EIF2AK4: variants seen among roughly 807,000 people sequenced by gnomAD.
The protein encoded by EIF2AK4 is eukaryotic translation initiation factor 2 alpha kinase 4.
A neutral mutation model predicts 211.1 loss-of-function variants in EIF2AK4; 139 were observed. That is an observed-to-expected ratio of 0.66 (90% CI 0.57 to 0.76). EIF2AK4 has a LOEUF of 0.76. EIF2AK4 is among the 30% of genes least tolerant of loss of function. The pLI is 0.00. For missense variants in EIF2AK4, 1,664 were observed against 2,043.8 expected, an observed-to-expected ratio of 0.81 and a Z score of 3.58; for synonymous variants, 710 against 751.3, an observed-to-expected ratio of 0.94 and a Z score of 0.90.
At chr15:40,012,189 GATATAAA>G in intron 27 of EIF2AK4, among the ~76,000 whole-genome samples, 1 of 152,050 alleles carries the variant, frequency 6.6e-6, no homozygotes, top group Non-Finnish European at 1.5e-5. Context: ...CAATGGCAGG[GATATAAA>G]GAAGAGTCCA....
At chr15:39,967,091 T>C (rs576116411) in intron 8 of EIF2AK4, among the ~76,000 whole-genome samples, 5 of 152,212 alleles carry the variant, frequency 3.3e-5, no homozygotes, top group African/African-American at 1.2e-4. Context: ...ATTAGAGAAG[T>C]TGAGAATTAG....
rs1408877315 is a variant in EIF2AK4, at chr15:39,992,629, A to G, written c.2687-140A>G. ...GACTTATGGTTATTCATTTGGTACA[A>G]TGCATGCTCTGCTTCCTGTGAGTGG... On this transcript the variant is annotated intron_variant, in intron 17 of 38. Transcript: ENST00000263791. The G allele has an allele frequency of 1.7e-5, 12 of 689,354 alleles. No individual in the cohort carries two copies. In the East Asian group the frequency reaches 2.7e-4, roughly 15 times the overall value. 42.7% of individuals were successfully genotyped at this position (689,354 alleles called of 1,614,324 possible).
intron 6 of EIF2AK4, among the ~76,000 whole-genome samples, chr15:39,956,004 CTTTT>C (rs11320320): frequency 9.7e-6 from 1 of 103,522 alleles, no homozygotes. Context: ...TGCTCATTCC[CTTTT>C]TTTTTTTTTT....
At chr15:40,029,312 A>AAAGT (rs1277084748) in intron 33 of EIF2AK4, 94 bp from the exon 34 acceptor site, 17 of 1,426,962 alleles carry the variant, frequency 1.2e-5, no homozygotes, top group Middle Eastern at 1.9e-4. Context: ...ATTTAATGGA[A>AAAGT]AAGTGGCTCA....
intron 32 of EIF2AK4, 152 bp from the exon 33 acceptor site, chr15:40,025,825 G>C: frequency 1.5e-6 from 1 of 651,562 alleles, no homozygotes; most frequent in South Asian, 1.9e-5. Context: ...AATGTCACCA[G>C]ACATTGCTAA....
intron 7 of EIF2AK4, among the ~76,000 whole-genome samples, chr15:39,962,367 A>C (rs1047307214): frequency 6.6e-6 from 1 of 152,256 alleles, no homozygotes; most frequent in Non-Finnish European, 1.5e-5. Flanking sequence ...GAAACAAAAA[A>C]ATGATTAAAA....
chr15:39,998,058 G>A (rs1254649751), intron 19 of EIF2AK4, among the ~76,000 whole-genome samples: 1 of 152,196 alleles, frequency 6.6e-6, no homozygotes, highest in African/African-American at 2.4e-5. Flanking sequence ...AGTGTGGACA[G>A]CTGTGTTCGT....
intron 9 of EIF2AK4, among the ~76,000 whole-genome samples, chr15:39,970,420 T>C (rs1441627158): frequency 6.6e-6 from 1 of 152,200 alleles, no homozygotes; most frequent in African/African-American, 2.4e-5. Context: ...AGGGCATATA[T>C]AGGGATGCTC....
At position 39,961,782 on chromosome 15, in the gene EIF2AK4, A is replaced by T; in HGVS notation, c.744-2A>T. On this transcript the variant is annotated splice_acceptor_variant, in intron 6 of 38. Coordinates refer to ENST00000263791, the MANE Select transcript of EIF2AK4 (RefSeq NM_001013703.4). LOFTEE classifies it high-confidence loss of function. Reference sequence around the variant, plus strand: ...AATGTATTGTTCAAATTTATTTTTAAGGCGAGAACGTCAGTATTCTGTATG... The same window carrying T: ...AATGTATTGTTCAAATTTATTTTTATGGCGAGAACGTCAGTATTCTGTATG... 1 of 1,602,450 alleles carries T rather than the reference A, an allele frequency of 6.2e-7. No homozygotes were observed. Among genetic ancestry groups the T allele is most frequent in the Non-Finnish European group, 8.5e-7 (1 of 1,174,682 alleles).
At chr15:40,001,789 A>G (rs952661877) in intron 21 of EIF2AK4, among the ~76,000 whole-genome samples, 1 of 152,136 alleles carries the variant, frequency 6.6e-6, no homozygotes, top group East Asian at 1.9e-4. Flanking sequence ...CTCTCTGACA[A>G]TGCAGATGCC....
chr15:40,008,467 C>T (rs936326215), intron 25 of EIF2AK4, among the ~76,000 whole-genome samples: 2 of 152,162 alleles, frequency 1.3e-5, no homozygotes, highest in Non-Finnish European at 2.9e-5. Flanking sequence ...CTAAGATGCT[C>T]TTAGCCTGTT....
At chr15:39,955,876 A>C in intron 6 of EIF2AK4, 108 bp downstream of exon 6, 1 of 1,246,830 alleles carries the variant, frequency 8.0e-7, no homozygotes. Context: ...AGTCTTAATA[A>C]CTTTTTTCAA....
chr15:39,998,495 G>C (rs2035051737), intron 19 of EIF2AK4, among the ~76,000 whole-genome samples: 1 of 152,090 alleles, frequency 6.6e-6, no homozygotes. Context: ...GGTGCAGACA[G>C]CATTAGGACG....
chr15:40,000,746 G>A (rs2035078668), intron 20 of EIF2AK4, among the ~76,000 whole-genome samples: 1 of 151,952 alleles, frequency 6.6e-6, no homozygotes, highest in African/African-American at 2.4e-5. Context: ...TTTTGGTTGT[G>A]ACAATAAGGT....
At chr15:39,948,986 A>G (rs1438823318) in intron 3 of EIF2AK4, 130 bp from the exon 4 acceptor site, 1 of 1,067,954 alleles carries the variant, frequency 9.4e-7, no homozygotes, top group Admixed American at 2.1e-5. Context: ...AGAGTATGTC[A>G]TATCAAAATG....
intron 13 of EIF2AK4, among the ~76,000 whole-genome samples, chr15:39,980,928 T>G (rs2034774152): frequency 6.6e-6 from 1 of 152,164 alleles, no homozygotes; most frequent in Non-Finnish European, 1.5e-5. Flanking sequence ...TAAAGAAAAG[T>G]CTAAGTGTAG....
At chr15:39,999,113 G>C (rs549361168) in intron 20 of EIF2AK4, among the ~76,000 whole-genome samples, 1 of 152,046 alleles carries the variant, frequency 6.6e-6, no homozygotes, top group South Asian at 2.1e-4. Flanking sequence ...TAAAGCTTGG[G>C]GCTTTAAGAA....
rs1203649841 is a variant in EIF2AK4, at chr15:40,019,999, A to G, written c.4173+799A>G. The stretch of plus-strand genomic sequence containing the variant: ...CATAGCAAAACCCCATCTCTACCAA[A>G]AAAATACAAAAATTAGCTGGGTGTG... On this transcript the variant is annotated intron_variant, in intron 30 of 38. Transcript: ENST00000263791. Among the ~76,000 whole-genome samples, 5 of 151,942 alleles carry G rather than the reference A, an allele frequency of 3.3e-5. No homozygotes were observed. The East Asian group carries it at 9.7e-4, about 30-fold the overall frequency.
At position 39,944,357 on chromosome 15, in the gene EIF2AK4, G is replaced by C. The variant is rs920965989; in HGVS notation, c.360+872G>C. On this transcript the variant is annotated intron_variant, in intron 3 of 38. Transcript: ENST00000263791. ...CTTAGGCCAGACCAATTCCCTCGAA[G>C]TATAACGCTTCTTTGCCCCACTTTT... 2.0e-4 allele frequency among the ~76,000 whole-genome samples: 30 copies of C among 151,474 alleles called. No individual in the cohort carries two copies. In the Middle Eastern group the frequency reaches 0.01, roughly 52 times the overall value.
Sources: allele counts gnomAD v4.1 joint callset (sites outside exome capture counted in the v4.1 genomes callset), GRCh38; gene constraint gnomAD v4.1.1; transcripts MANE v1.5; gene names NCBI Gene and HGNC (gene_info 2026-07-23, HGNC 2026-07-21).